Variants in CAST observed in about 807,000 individuals in gnomAD.
The protein encoded by CAST is MIR583 host.
A neutral mutation model predicts 119.6 loss-of-function variants in CAST; 76 were observed. The ratio of observed to expected loss-of-function variants is 0.64; its 90% CI spans 0.53 to 0.77. CAST has a LOEUF of 0.77. Among genes scored for constraint, CAST ranks in the 30% least tolerant of loss-of-function variants. The probability of loss-of-function intolerance (pLI) is 0.00; values close to 1 mark genes in which losing one functional copy is unlikely to be tolerated. For missense variants in CAST, 953 were observed against 946.5 expected, an observed-to-expected ratio of 1.01 and a Z score of -0.09; for synonymous variants, 319 against 331.6, an observed-to-expected ratio of 0.96 and a Z score of 0.41.
At chr5:95,992,332 T>C in the CAST span, among the ~76,000 whole-genome samples, 2 of 151,822 alleles carry the variant, frequency 1.3e-5, no homozygotes, top group African/African-American at 4.8e-5. Flanking sequence ...AAATTGACTT[T>C]AACATTATCA....
chr5:96,483,971 T>C, the CAST span, among the ~76,000 whole-genome samples: 107,522 of 152,052 alleles, frequency 0.71, 38,492 homozygotes, highest in African/African-American at 0.81. Flanking sequence ...GAACTTCCCA[T>C]GAGGCCTTAT....
At chr5:96,388,448 G>A in the CAST span, among the ~76,000 whole-genome samples, 2 of 152,278 alleles carry the variant, frequency 1.3e-5, no homozygotes, top group East Asian at 1.9e-4. Context: ...TCCTCACAGC[G>A]CTGGGTCACT....
At chr5:96,178,238 A>T in the CAST span, among the ~76,000 whole-genome samples, 1 of 152,212 alleles carries the variant, frequency 6.6e-6, no homozygotes, top group Admixed American at 6.5e-5. Context: ...ATTGCAGGGG[A>T]ATCTGCATGA....
At chr5:96,392,695 C>A in the CAST span, 1 of 326,678 alleles carries the variant, frequency 3.1e-6, no homozygotes, top group Non-Finnish European at 5.6e-6. Context: ...TTGAAATGGG[C>A]TCTAATGCAG....
At chr5:96,350,779 G>A in the CAST span, among the ~76,000 whole-genome samples, 3 of 152,074 alleles carry the variant, frequency 2.0e-5, no homozygotes, top group African/African-American at 7.2e-5. Flanking sequence ...AAGAGTTAAT[G>A]TTAAAAGGAA....
At chr5:96,118,655 G>A in the CAST span, among the ~76,000 whole-genome samples, 12 of 130,192 alleles carry the variant, frequency 9.2e-5, no homozygotes, top group African/African-American at 3.5e-4. Flanking sequence ...TTGGTCCATT[G>A]TGTTCGTGGA....
the CAST span, among the ~76,000 whole-genome samples, chr5:96,180,229 AC>A: frequency 2.0e-5 from 3 of 152,234 alleles, no homozygotes; most frequent in Non-Finnish European, 2.9e-5. Flanking sequence ...TTATACACTT[AC>A]ATTTAACAAA....
At chr5:96,388,548 T>G in the CAST span, among the ~76,000 whole-genome samples, 1 of 152,168 alleles carries the variant, frequency 6.6e-6, no homozygotes, top group African/African-American at 2.4e-5. Context: ...CAAAGTAGAT[T>G]GCATGGTCAA....
At chr5:96,151,981 C>G in the CAST span, among the ~76,000 whole-genome samples, 1 of 152,166 alleles carries the variant, frequency 6.6e-6, no homozygotes, top group Non-Finnish European at 1.5e-5. Flanking sequence ...TCCTATGACA[C>G]TAGTTCCCTT....
chr5:96,273,428 C>T, the CAST span, among the ~76,000 whole-genome samples: 13 of 152,146 alleles, frequency 8.5e-5, no homozygotes, highest in Non-Finnish European at 1.6e-4. Flanking sequence ...AATAGAATAT[C>T]TAGAGAATAG....
the CAST span, among the ~76,000 whole-genome samples, chr5:96,376,559 G>A: frequency 6.6e-6 from 1 of 151,804 alleles, no homozygotes; most frequent in Non-Finnish European, 1.5e-5. Context: ...TCCAGCCTCA[G>A]CCTCCTGAAT....
At chr5:96,391,809 C>G in the CAST span, 3 of 152,142 alleles carry the variant, frequency 2.0e-5, no homozygotes, top group Non-Finnish European at 2.9e-5. Flanking sequence ...TTTTCAATAA[C>G]CACTCATATT....
chr5:96,416,059 C>A, the CAST span: 10 of 1,612,714 alleles, frequency 6.2e-6, no homozygotes, highest in Non-Finnish European at 8.5e-6. Flanking sequence ...GTATGCAACT[C>A]CAACCCCGCA....
chr5:95,982,756 A>G, the CAST span, among the ~76,000 whole-genome samples: 6 of 152,242 alleles, frequency 3.9e-5, no homozygotes, highest in Admixed American at 6.5e-5. Context: ...TGACATTTAT[A>G]GATTTTTAAA....
chr5:96,387,075 G>T, the CAST span, among the ~76,000 whole-genome samples: 1 of 152,168 alleles, frequency 6.6e-6, no homozygotes, highest in South Asian at 2.1e-4. Context: ...CTTCATTGTT[G>T]TATATGAGTA....
chr5:96,566,671 A>G (rs1746474701), intron 1 of CAST, among the ~76,000 whole-genome samples: 1 of 152,242 alleles, frequency 6.6e-6, no homozygotes, highest in African/African-American at 2.4e-5. Context: ...TTTAAAGTCT[A>G]AAACTAAAGG....
At chr5:96,187,440 T>G in the CAST span, among the ~76,000 whole-genome samples, 1 of 152,324 alleles carries the variant, frequency 6.6e-6, no homozygotes, top group Non-Finnish European at 1.5e-5. Flanking sequence ...GATGTTAGGT[T>G]GTTAACTTGA....
the CAST span, among the ~76,000 whole-genome samples, chr5:96,170,832 G>T: frequency 6.6e-5 from 10 of 152,324 alleles, no homozygotes; most frequent in African/African-American, 2.2e-4. Context: ...TGCTGGGCAG[G>T]TGGGAGAGGG....
the CAST span, chr5:96,397,467 T>C: frequency 1.2e-6 from 2 of 1,612,664 alleles, no homozygotes; most frequent in South Asian, 1.1e-5. Context: ...ACAGTGCTAG[T>C]TCCTATGAAA....
Sources: gnomAD v4.1 joint callset for allele counts (sites outside exome capture counted in the v4.1 genomes callset) on GRCh38, gnomAD v4.1.1 for gene constraint, MANE v1.5 for transcripts, NCBI Gene and HGNC (gene_info 2026-07-23, HGNC 2026-07-21) for gene names.